Variants in TBC1D15 observed in about 807,000 individuals in gnomAD.
TBC1D15 encodes GAP for RAB7.
Under a neutral mutation model 95.4 loss-of-function variants are expected in TBC1D15, and 39 were observed. That is an observed-to-expected ratio of 0.41 (90% CI 0.32 to 0.53). The LOEUF (loss-of-function observed/expected upper bound fraction) is 0.53, where lower values mean the gene tolerates loss of function less well. Among genes scored for constraint, TBC1D15 ranks in the 20% least tolerant of loss-of-function variants. TBC1D15 has a pLI of 0.29. For missense variants in TBC1D15, 733 were observed against 794.3 expected, an observed-to-expected ratio of 0.92 and a Z score of 0.93; for synonymous variants, 258 against 261.3, an observed-to-expected ratio of 0.99 and a Z score of 0.12.
intron 1 of TBC1D15, among the ~76,000 whole-genome samples, chr12:71,867,287 A>G (rs1250860481): frequency 6.6e-6 from 1 of 152,222 alleles, no homozygotes; most frequent in East Asian, 1.9e-4. Flanking sequence ...TAGTTTCTTT[A>G]GGCAATAACA....
intron 10 of TBC1D15, among the ~76,000 whole-genome samples, chr12:71,904,680 A>G (rs1051980546): frequency 2.6e-5 from 4 of 152,202 alleles, no homozygotes; most frequent in African/African-American, 9.6e-5. Context: ...TTAGGAGAGC[A>G]GGGAGACTAT....
intron 1 of TBC1D15, among the ~76,000 whole-genome samples, chr12:71,863,783 T>C (rs1890886394): frequency 6.6e-6 from 1 of 152,184 alleles, no homozygotes; most frequent in Non-Finnish European, 1.5e-5. Flanking sequence ...AGAGATTCTT[T>C]TGCTGATCAG....
chr12:71,889,156 A>T (rs1467547567), intron 5 of TBC1D15, among the ~76,000 whole-genome samples: 1 of 152,160 alleles, frequency 6.6e-6, no homozygotes. Flanking sequence ...TAATCTGGTA[A>T]AAGAGAAAAA....
intron 1 of TBC1D15, among the ~76,000 whole-genome samples, chr12:71,842,144 C>T (rs1885179064): frequency 6.6e-6 from 1 of 152,166 alleles, no homozygotes; most frequent in Admixed American, 6.5e-5. Context: ...GTGTCTCCAC[C>T]TAGGATGTAA....
intron 16 of TBC1D15, 131 bp from the exon 17 acceptor site, chr12:71,922,852 A>G (rs1869960287): frequency 1.2e-6 from 1 of 842,146 alleles, no homozygotes; most frequent in Non-Finnish European, 1.9e-6. Flanking sequence ...TGAGAAGGGT[A>G]CATGACATTT....
chr12:71,871,401 A>G (rs188421025), intron 1 of TBC1D15, among the ~76,000 whole-genome samples: 5 of 152,264 alleles, frequency 3.3e-5, no homozygotes, highest in Admixed American at 3.3e-4. Context: ...CCGAATTTCT[A>G]TGCCATGGTG....
Position 71,923,222 on chromosome 12 carries a change from T to A in TBC1D15, c.*18T>A, listed in dbSNP as rs150081837. On this transcript the variant is annotated 3_prime_UTR_variant, in exon 17 of 17. Transcript: ENST00000485960. ...CTGCATGATCACTGTTCTTGCTTTT[T>A]TGGGAAGAGACACTTTGTTGCAACC... The A allele has an allele frequency of 3.1e-4, 499 of 1,608,750 alleles. 2 individuals carry two copies. In the African/African-American group the frequency reaches 5.9e-3, roughly 19 times the overall value.
intron 1 of TBC1D15, among the ~76,000 whole-genome samples, chr12:71,840,620 C>T (rs986510806): frequency 6.6e-6 from 1 of 152,174 alleles, no homozygotes; most frequent in East Asian, 1.9e-4. Flanking sequence ...GATAGTATTT[C>T]CCAGTGCAGG....
In TBC1D15 at chr12:71,857,627, A is replaced by G. The variant is rs146964049; in HGVS notation, c.31-14443A>G. ...CATATTTATGGGGTACAGTGTGATA[A>G]TCTGATATATGTATATAATGTGTAA... On this transcript the variant is annotated intron_variant, in intron 1 of 16. Coordinates refer to ENST00000485960, the MANE Select transcript of TBC1D15 (RefSeq NM_001146213.3). Among the ~76,000 whole-genome samples the G allele has an allele frequency of 9.1e-3, 1,381 of 152,312 alleles. 10 individuals carry two copies. The highest frequency in any genetic ancestry group is 0.037 in the Middle Eastern group (11 of 294).
chr12:71,876,280 A>G (rs1033546383), intron 3 of TBC1D15, among the ~76,000 whole-genome samples: 4 of 152,140 alleles, frequency 2.6e-5, no homozygotes, highest in African/African-American at 7.2e-5. Context: ...CTGTGTCTAA[A>G]TAACATTCTT....
intron 1 of TBC1D15, 86 bp downstream of exon 1, chr12:71,839,897 C>G: frequency 6.5e-7 from 1 of 1,536,606 alleles, no homozygotes; most frequent in Non-Finnish European, 9.0e-7. Context: ...GGGAGGGACA[C>G]GAGGGACTTT....
At chr12:71,842,264 C>T (rs936972834) in intron 1 of TBC1D15, among the ~76,000 whole-genome samples, 17 of 152,160 alleles carry the variant, frequency 1.1e-4, no homozygotes, top group Non-Finnish European at 1.2e-4. Flanking sequence ...AGAGCTTGGT[C>T]TCTGAAACCA....
intron 1 of TBC1D15, among the ~76,000 whole-genome samples, chr12:71,857,239 T>C (rs983982986): frequency 1.3e-5 from 2 of 152,082 alleles, no homozygotes; most frequent in Non-Finnish European, 2.9e-5. Context: ...TGTGAGACAC[T>C]GCGGCTGCCC....
chr12:71,918,251 A>G (rs1431947962), intron 13 of TBC1D15, among the ~76,000 whole-genome samples, 200 bp from the exon 14 acceptor site: 1 of 152,226 alleles, frequency 6.6e-6, no homozygotes, highest in East Asian at 1.9e-4. Flanking sequence ...TCTGCCTTAA[A>G]CTTGATTCGT....
Position 71,923,320 on chromosome 12 carries a change from AGT to A in TBC1D15, c.*119_*120del. The A allele has an allele frequency of 2.3e-6, 2 of 884,754 alleles. No homozygotes were observed. Among genetic ancestry groups the A allele is most frequent in the South Asian group, 3.3e-5 (2 of 60,550 alleles). The allele number at this position is 884,754 out of a possible 1,614,324, so 54.8% of individuals were successfully genotyped here. On this transcript the variant is annotated 3_prime_UTR_variant, in exon 17 of 17. Coordinates refer to ENST00000485960, the MANE Select transcript of TBC1D15 (RefSeq NM_001146213.3). ...CATGCTTTAAGGTTTATGTAAAGAA[AGT>A]GTACTGATGTTCTTACATTAAAGCT...
chr12:71,854,602 G>C, intron 1 of TBC1D15: 1 of 456,656 alleles, frequency 2.2e-6, no homozygotes, highest in South Asian at 1.5e-5. Context: ...TTTAACAGAT[G>C]GTATGTATTT....
At chr12:71,893,947 A>G (rs142234911) in intron 6 of TBC1D15, among the ~76,000 whole-genome samples, 1,995 of 150,840 alleles carry the variant, frequency 0.013, 42 homozygotes, top group African/African-American at 0.047. Flanking sequence ...GTAAAGATTA[A>G]TAAGATATAG....
chr12:71,869,879 A>G (rs1219145415), intron 1 of TBC1D15, among the ~76,000 whole-genome samples: 2 of 152,184 alleles, frequency 1.3e-5, no homozygotes, highest in South Asian at 2.1e-4. Context: ...ATTTTTAAAT[A>G]TATGACTATA....
chr12:71,891,607 G>A (rs1897217630), intron 5 of TBC1D15, among the ~76,000 whole-genome samples: 1 of 152,090 alleles, frequency 6.6e-6, no homozygotes, highest in Non-Finnish European at 1.5e-5. Context: ...TACTTTTTAA[G>A]TGTTTTGTTG....
Sources: gnomAD v4.1 joint callset for allele counts (sites outside exome capture counted in the v4.1 genomes callset) on GRCh38, gnomAD v4.1.1 for gene constraint, MANE v1.5 for transcripts, NCBI Gene and HGNC (gene_info 2026-07-23, HGNC 2026-07-21) for gene names.